Variants in ELMO1 observed in about 807,000 individuals in gnomAD.
ELMO1 encodes engulfment and cell motility 1, also known as engulfment and cell motility protein 1.
Under a neutral mutation model 98.9 loss-of-function variants are expected in ELMO1, and 26 were observed. The ratio of observed to expected loss-of-function variants is 0.26; its 90% confidence interval spans 0.19 to 0.36. ELMO1 has a LOEUF of 0.36. ELMO1 is among the 10% of genes least tolerant of loss of function. The probability of loss-of-function intolerance (pLI) is 1.00; values close to 1 mark genes in which losing one functional copy is unlikely to be tolerated. For missense variants in ELMO1, 627 were observed against 935.2 expected, an observed-to-expected ratio of 0.67 and a Z score of 4.30; for synonymous variants, 346 against 346.0, an observed-to-expected ratio of 1.00 and a Z score of 0.00.
At chr7:36,923,361 G>GTAAA (rs1278993606) in intron 16 of ELMO1, among the ~76,000 whole-genome samples, 3 of 152,194 alleles carry the variant, frequency 2.0e-5, no homozygotes, top group Non-Finnish European at 4.4e-5. Flanking sequence ...AGGTAGGAGA[G>GTAAA]TAAAGGTCAA....
Position 36,855,753 on chromosome 7 carries a change from T to C in ELMO1, c.1984-2A>G. Reference sequence around the variant, plus strand: ...CAGTCCATCCGTCCAGATACAGTACTGGCAGGAAGGGAGGCAACAGCGATC... The same window carrying C: ...CAGTCCATCCGTCCAGATACAGTACCGGCAGGAAGGGAGGCAACAGCGATC... On this transcript the variant is annotated splice_acceptor_variant, in intron 21 of 21. Transcript: ENST00000310758. LOFTEE classifies it high-confidence loss of function. The surrounding 1 kb of genome is among the most constrained non-coding windows in gnomAD (Gnocchi z 4.2). 1.2e-6 allele frequency: 2 copies of C among 1,613,918 alleles called. No individual in the cohort carries two copies. The highest frequency in any genetic ancestry group is 1.7e-6 in the Non-Finnish European group (2 of 1,179,898).
chr7:37,262,839 A>C (rs527850311), intron 5 of ELMO1, among the ~76,000 whole-genome samples: 49 of 152,130 alleles, frequency 3.2e-4, no homozygotes, highest in African/African-American at 1.2e-3. Context: ...TTCTCTCTTC[A>C]CCTCTCTTGG....
intron 1 of ELMO1, among the ~76,000 whole-genome samples, chr7:37,370,278 C>T (rs548842558): frequency 1.3e-5 from 2 of 152,314 alleles, no homozygotes; most frequent in African/African-American, 4.8e-5. Flanking sequence ...CATTTACAAA[C>T]CACTGGTGTG....
intron 13 of ELMO1, among the ~76,000 whole-genome samples, chr7:37,167,759 G>C (rs1357093859): frequency 6.6e-6 from 1 of 151,850 alleles, no homozygotes; most frequent in Non-Finnish European, 1.5e-5. Flanking sequence ...TTTCTCTCTG[G>C]CTGCCCTTAA....
intron 16 of ELMO1, among the ~76,000 whole-genome samples, chr7:36,949,488 T>A (rs1787790400): frequency 6.6e-6 from 1 of 151,888 alleles, no homozygotes; most frequent in Non-Finnish European, 1.5e-5. Flanking sequence ...GTGGCAGACA[T>A]CAGACCAGGT....
intron 20 of ELMO1, among the ~76,000 whole-genome samples, chr7:36,863,808 CTCT>C (rs1802818966): frequency 6.6e-6 from 1 of 152,152 alleles, no homozygotes; most frequent in African/African-American, 2.4e-5. Flanking sequence ...AGGTCATTAT[CTCT>C]TCTTACAACT....
intron 15 of ELMO1, among the ~76,000 whole-genome samples, chr7:37,092,371 T>TC (rs1784150656): frequency 1.0e-5 from 1 of 97,046 alleles, no homozygotes; most frequent in East Asian, 2.3e-4. Flanking sequence ...ATATTCTTTT[T>TC]TTTTTTTTTT....
intron 1 of ELMO1, among the ~76,000 whole-genome samples, chr7:37,415,422 A>G (rs909556982): frequency 6.6e-6 from 1 of 152,200 alleles, no homozygotes; most frequent in African/African-American, 2.4e-5. Flanking sequence ...ATAGTTCCAG[A>G]GTCAGAGACT....
chr7:37,012,123 T>C (rs530148025), intron 16 of ELMO1, among the ~76,000 whole-genome samples: 3 of 152,226 alleles, frequency 2.0e-5, no homozygotes, highest in South Asian at 2.1e-4. Context: ...GGACAGATCG[T>C]TGGGATGACA....
chr7:37,404,583 G>T (rs1016819183), intron 1 of ELMO1, among the ~76,000 whole-genome samples: 2 of 152,086 alleles, frequency 1.3e-5, no homozygotes, highest in African/African-American at 4.8e-5. Flanking sequence ...TCCAATAAAG[G>T]TTCTCCTATA....
rs1309313820 is a variant in ELMO1, at chr7:37,379,242, A to G, written c.-73-36479T>C. 5.3e-5 allele frequency among the ~76,000 whole-genome samples: 8 copies of G among 152,140 alleles called. No homozygotes were observed. In the East Asian group the frequency reaches 1.4e-3, roughly 26 times the overall value. On this transcript the variant is annotated intron_variant, in intron 1 of 21. Coordinates refer to ENST00000310758, the MANE Select transcript of ELMO1 (RefSeq NM_014800.11). ...TTTTCAGTAGAGACGGGGTTTCACC[A>G]TGTTAGCCAGGATGGTCTCGATCTC...
At chr7:37,110,797 G>A (rs940935597) in intron 14 of ELMO1, among the ~76,000 whole-genome samples, 7 of 152,222 alleles carry the variant, frequency 4.6e-5, no homozygotes, top group South Asian at 4.1e-4. Context: ...GCTCTCCCCA[G>A]CCATGGACCA....
At chr7:36,957,286 C>A (rs1215533178) in intron 16 of ELMO1, among the ~76,000 whole-genome samples, 1 of 133,120 alleles carries the variant, frequency 7.5e-6, no homozygotes, top group Admixed American at 6.9e-5. Context: ...GAGGCAAAGC[C>A]TTGCAGCTCT....
intron 13 of ELMO1, among the ~76,000 whole-genome samples, chr7:37,170,799 G>T (rs1420952288): frequency 6.6e-6 from 1 of 151,936 alleles, no homozygotes; most frequent in Non-Finnish European, 1.5e-5. Flanking sequence ...TAGAGACGGG[G>T]TTTCAACATG....
At chr7:37,333,926 G>C (rs989344055) in intron 2 of ELMO1, among the ~76,000 whole-genome samples, 47 of 152,176 alleles carry the variant, frequency 3.1e-4, no homozygotes, top group African/African-American at 1.1e-3. Context: ...TTTCCCTCAT[G>C]GATAAATTGA....
At chr7:36,965,243 C>T (rs1789315088) in intron 16 of ELMO1, among the ~76,000 whole-genome samples, 1 of 152,188 alleles carries the variant, frequency 6.6e-6, no homozygotes, top group African/African-American at 2.4e-5. Flanking sequence ...GCCTCCCCCG[C>T]TGCCTCCCTG....
chr7:37,417,660 T>TCACACACA (rs34297401), intron 1 of ELMO1, among the ~76,000 whole-genome samples: 14 of 109,744 alleles, frequency 1.3e-4, no homozygotes, highest in African/African-American at 3.8e-4. Context: ...TAAGACTCCG[T>TCACACACA]CACACACACA....
chr7:37,301,062 G>T (rs1798315425), intron 4 of ELMO1, among the ~76,000 whole-genome samples: 1 of 151,998 alleles, frequency 6.6e-6, no homozygotes, highest in Non-Finnish European at 1.5e-5. Flanking sequence ...GCGTAGAGGT[G>T]TTTGTAGTAT....
At chr7:37,279,294 G>A (rs189792431) in intron 4 of ELMO1, among the ~76,000 whole-genome samples, 168 of 152,330 alleles carry the variant, frequency 1.1e-3, no homozygotes, top group Non-Finnish European at 2.0e-3. Context: ...GTGGCTCTAA[G>A]GCTTTAAAAT....
Sources: gnomAD v4.1 joint callset for allele counts (sites outside exome capture counted in the v4.1 genomes callset) on GRCh38, gnomAD v4.1.1 for gene constraint, Gnocchi (gnomAD v3.1) non-coding constraint, MANE v1.5 for transcripts, NCBI Gene and HGNC (gene_info 2026-07-23, HGNC 2026-07-21) for gene names.